The following EFEMP1 variants were observed in gnomAD, a reference collection of about 807,000 sequenced individuals.
The protein encoded by EFEMP1 is EGF-containing fibulin-like extracellular matrix protein 1.
Under a neutral mutation model 65.7 loss-of-function variants are expected in EFEMP1, and 18 were observed. That is an observed-to-expected ratio of 0.27 (90% confidence interval 0.19 to 0.41). The LOEUF (loss-of-function observed/expected upper bound fraction) is 0.41, where lower values mean the gene tolerates loss of function less well. Ranked by LOEUF, EFEMP1 falls within the 10% of genes least tolerant of loss-of-function variation. EFEMP1 has a pLI of 1.00. For synonymous variants in EFEMP1, 237 were observed against 219.7 expected, an observed-to-expected ratio of 1.08 and a Z score of -0.70; for missense variants, 469 against 624.8, an observed-to-expected ratio of 0.75 and a Z score of 2.66.
intron 8 of EFEMP1, among the ~76,000 whole-genome samples, chr2:55,875,863 G>A (rs1440145425): frequency 6.6e-6 from 1 of 151,814 alleles, no homozygotes; most frequent in Non-Finnish European, 1.5e-5. Flanking sequence ...AAGGGCAGAG[G>A]CAGCTGTCCT....
chr2:55,887,657 C>T (rs1027849397), intron 5 of EFEMP1, among the ~76,000 whole-genome samples: 8 of 152,142 alleles, frequency 5.3e-5, no homozygotes, highest in South Asian at 2.1e-4. Context: ...CTGTCTTAAT[C>T]GATGGCCAGC....
At chr2:55,891,993 C>G (rs557934431) in intron 5 of EFEMP1, among the ~76,000 whole-genome samples, 2 of 149,714 alleles carry the variant, frequency 1.3e-5, no homozygotes, top group Non-Finnish European at 2.9e-5. Context: ...TGGGATTTTC[C>G]TCCCTCTATG....
chr2:55,874,818 A>G (rs1668962220), intron 9 of EFEMP1, 128 bp downstream of exon 9: 1 of 1,002,230 alleles, frequency 1.0e-6, no homozygotes, highest in Non-Finnish European at 1.4e-6. Context: ...TGAACAGGGG[A>G]AAAAAGAGCT....
intron 5 of EFEMP1, among the ~76,000 whole-genome samples, chr2:55,902,241 C>A (rs763600550): frequency 6.6e-6 from 1 of 152,210 alleles, no homozygotes; most frequent in Admixed American, 6.5e-5. Flanking sequence ...GAAAATAATA[C>A]GTAAACTCAG....
At chr2:55,872,366 G>A (rs891701021) in intron 9 of EFEMP1, among the ~76,000 whole-genome samples, 3 of 152,040 alleles carry the variant, frequency 2.0e-5, no homozygotes, top group African/African-American at 7.2e-5. Context: ...ATTGCAATCT[G>A]CATGTCTAGC....
rs887209253 is a variant in EFEMP1, at chr2:55,917,150, C to A, written c.517+515G>T. On this transcript the variant is annotated intron_variant, in intron 5 of 11. Coordinates refer to ENST00000355426, the MANE Select transcript of EFEMP1 (RefSeq NM_001039348.3). The surrounding 1 kb of genome is among the most constrained non-coding windows in gnomAD (Gnocchi z 6.3). The stretch of plus-strand genomic sequence containing the variant: ...AACTTGAGAAACCAAAGGGGTACAT[C>A]TGTAGAGTAGCTTGACAGCATAATT... Among the ~76,000 whole-genome samples the A allele has an allele frequency of 6.6e-6, 1 of 152,176 alleles. No individual in the cohort carries two copies. The highest frequency in any genetic ancestry group is 2.4e-5 in the African/African-American group (1 of 41,442).
intron 5 of EFEMP1, among the ~76,000 whole-genome samples, chr2:55,911,913 C>T (rs193248761): frequency 9.8e-5 from 15 of 152,302 alleles, no homozygotes; most frequent in Non-Finnish European, 1.9e-4. Context: ...AATTTAATGG[C>T]TGCAGCATAT....
rs760468548 is a variant in EFEMP1, at chr2:55,883,689, C to T, written c.518-1955G>A. Reference sequence around the variant, plus strand: ...CTGCCTCCACCCCGCTGCATTCCTACAACTGATGCCCTATGACTTCCTTCC... The same window carrying T: ...CTGCCTCCACCCCGCTGCATTCCTATAACTGATGCCCTATGACTTCCTTCC... On this transcript the variant is annotated intron_variant, in intron 5 of 11. Transcript: ENST00000355426. The surrounding 1 kb of genome is among the most constrained non-coding windows in gnomAD (Gnocchi z 4.5). Among the ~76,000 whole-genome samples the T allele has an allele frequency of 1.9e-4, 29 of 152,152 alleles. No homozygotes were observed. Among genetic ancestry groups the T allele is most frequent in the Non-Finnish European group, 3.7e-4 (25 of 68,030 alleles).
At chr2:55,868,703 A>G (rs142270412) in intron 11 of EFEMP1, among the ~76,000 whole-genome samples, 55 of 152,214 alleles carry the variant, frequency 3.6e-4, no homozygotes, top group Non-Finnish European at 5.6e-4. Context: ...CCCCACTTCT[A>G]TTTTCATAGA....
chr2:55,892,405 C>G (rs1165044459), intron 5 of EFEMP1, among the ~76,000 whole-genome samples: 2 of 152,062 alleles, frequency 1.3e-5, no homozygotes, highest in Admixed American at 6.5e-5. Context: ...CATGCTTTTG[C>G]TTTCTTGGGG....
Position 55,921,510 on chromosome 2 carries a change from T to G in EFEMP1, c.81+850A>C, listed in dbSNP as rs1371895962. 6.6e-6 allele frequency among the ~76,000 whole-genome samples: 1 copy of G among 152,212 alleles called. No individual in the cohort carries two copies. The highest frequency in any genetic ancestry group is 1.5e-5 in the Non-Finnish European group (1 of 68,034). On this transcript the variant is annotated intron_variant, in intron 3 of 11. Transcript: ENST00000355426. The surrounding 1 kb of genome is among the most constrained non-coding windows in gnomAD (Gnocchi z 4.1). ...GCAGTAGAAAAATGTGCTTTTCATA[T>G]TCCAATCCAGGACAAATGTCATTTG...
intron 5 of EFEMP1, among the ~76,000 whole-genome samples, chr2:55,899,746 C>T (rs1341268188): frequency 6.6e-6 from 1 of 152,134 alleles, no homozygotes; most frequent in Admixed American, 6.5e-5. Context: ...TCCCTTCTAC[C>T]CAAGTAGTGA....
intron 5 of EFEMP1, among the ~76,000 whole-genome samples, chr2:55,906,856 T>G (rs1337209789): frequency 6.6e-6 from 1 of 152,194 alleles, no homozygotes; most frequent in Non-Finnish European, 1.5e-5. Context: ...AAAATTAAGT[T>G]GTTCAATATA....
At chr2:55,884,898 A>G (rs769955108) in intron 5 of EFEMP1, among the ~76,000 whole-genome samples, 1 of 152,146 alleles carries the variant, frequency 6.6e-6, no homozygotes, top group Non-Finnish European at 1.5e-5. Flanking sequence ...TAGTGCATGA[A>G]ACATGGTGGA....
chr2:55,912,019 C>T (rs1670498661), intron 5 of EFEMP1, among the ~76,000 whole-genome samples: 1 of 151,964 alleles, frequency 6.6e-6, no homozygotes, highest in Non-Finnish European at 1.5e-5. Context: ...TAATTTTCTC[C>T]CCTGTAAACT....
At chr2:55,881,463 G>C in intron 6 of EFEMP1, 149 bp downstream of exon 6, 1 of 1,017,434 alleles carries the variant, frequency 9.8e-7, no homozygotes, top group South Asian at 1.4e-5. Flanking sequence ...TCTTGTTATT[G>C]TGGAAAATGG....
At position 55,867,608 on chromosome 2, in the gene EFEMP1, A is replaced by G. The variant is rs556154326; in HGVS notation, c.1321-374T>C. Among the ~76,000 whole-genome samples the G allele has an allele frequency of 2.0e-5, 3 of 152,160 alleles. No individual in the cohort carries two copies. The highest frequency in any genetic ancestry group is 4.4e-5 in the Non-Finnish European group (3 of 68,020). On this transcript the variant is annotated intron_variant, in intron 11 of 11. Coordinates refer to ENST00000355426, the MANE Select transcript of EFEMP1 (RefSeq NM_001039348.3). The surrounding 1 kb of genome is among the most constrained non-coding windows in gnomAD (Gnocchi z 4.3). ...AAAGTTGTCACTTTTCATTTTCTCA[A>G]CATTGTGCATCTGTTTACATTCTAG...
rs558565666 is a variant in EFEMP1, at chr2:55,891,147, G to C, written c.518-9413C>G. Reference sequence around the variant, plus strand: ...CATGTATTTCCAAAAAGCAGAAATAGAATAAATGGCTAGAAATGCAAGAAA... The same window carrying C: ...CATGTATTTCCAAAAAGCAGAAATACAATAAATGGCTAGAAATGCAAGAAA... On this transcript the variant is annotated intron_variant, in intron 5 of 11. Transcript: ENST00000355426. Among the ~76,000 whole-genome samples the C allele has an allele frequency of 2.0e-5, 3 of 152,116 alleles. No individual in the cohort carries two copies. The South Asian group carries it at 6.2e-4, about 32-fold the overall frequency.
chr2:55,918,519 C>T (rs148604510), intron 3 of EFEMP1, among the ~76,000 whole-genome samples: 2 of 152,164 alleles, frequency 1.3e-5, no homozygotes, highest in African/African-American at 4.8e-5. Flanking sequence ...GTACAGTTGC[C>T]CAGTACCATC....
Sources: gnomAD v4.1 joint callset for allele counts (sites outside exome capture counted in the v4.1 genomes callset) on GRCh38, gnomAD v4.1.1 for gene constraint, Gnocchi (gnomAD v3.1) non-coding constraint, MANE v1.5 for transcripts, NCBI Gene and HGNC (gene_info 2026-07-23, HGNC 2026-07-21) for gene names.